The following TFDP2 variants were observed in gnomAD, a reference collection of about 807,000 sequenced individuals.
TFDP2 encodes the protein transcription factor Dp-2 (E2F dimerization partner 2).
TFDP2 carries 17 observed loss-of-function variants against 59.3 expected under a neutral mutation model. The observed-to-expected ratio is 0.29, with a 90% CI of 0.20 to 0.43. The LOEUF (loss-of-function observed/expected upper bound fraction) is 0.43. TFDP2 is among the 20% of genes least tolerant of loss of function. The pLI, the probability that TFDP2 is intolerant of heterozygous loss-of-function variation, is 1.00. For missense variants in TFDP2, 391 were observed against 528.8 expected (o/e 0.74, Z 2.56); for synonymous variants, 180 against 194.7 (o/e 0.92, Z 0.63).
At chr3:142,079,567 C>G (rs2060568733) in intron 3 of TFDP2, among the ~76,000 whole-genome samples, 1 of 152,036 alleles carries the variant, frequency 6.6e-6, no homozygotes, top group Non-Finnish European at 1.5e-5. Context: ...GCTGACTTAA[C>G]CCAAAGACTA....
chr3:142,014,206 C>T (rs1337726456), intron 3 of TFDP2, among the ~76,000 whole-genome samples: 2 of 152,194 alleles, frequency 1.3e-5, no homozygotes, highest in Non-Finnish European at 2.9e-5. Context: ...AGCAGTGGCA[C>T]TATCACAGCT....
chr3:142,024,884 G>A (rs1359319423), intron 3 of TFDP2, among the ~76,000 whole-genome samples: 1 of 152,090 alleles, frequency 6.6e-6, no homozygotes, highest in Non-Finnish European at 1.5e-5. Context: ...GCCGGGTTTG[G>A]TGGCGGGCGC....
intron 3 of TFDP2, among the ~76,000 whole-genome samples, chr3:142,078,766 A>G (rs1450969863): frequency 6.6e-6 from 1 of 152,144 alleles, no homozygotes; most frequent in East Asian, 1.9e-4. Flanking sequence ...AAGCACCAAG[A>G]CCATCCAGGA....
chr3:142,106,996 A>G (rs1333167710), intron 1 of TFDP2, among the ~76,000 whole-genome samples: 1 of 152,216 alleles, frequency 6.6e-6, no homozygotes, highest in Non-Finnish European at 1.5e-5. Flanking sequence ...TGCTACTAAA[A>G]ATTAATAGGA....
Position 141,952,531 on chromosome 3 carries a change from ATCC to A in TFDP2, c.1320_1322del (p.Glu440del), listed in dbSNP as rs768873878. 36 of 1,547,460 alleles carry A rather than the reference ATCC, an allele frequency of 2.3e-5. No individual in the cohort carries two copies. In the South Asian group the frequency reaches 2.7e-4, roughly 11 times the overall value. The stretch of plus-strand genomic sequence containing the variant: ...CTTGTCTTTATTCTGGGGAGGAGGA[ATCC>A]TCCTCATCATCTTCCTCATCTTCAT... On this transcript the variant is annotated inframe_deletion, in exon 13 of 13. Transcript: ENST00000489671.
intron 1 of TFDP2, among the ~76,000 whole-genome samples, chr3:142,123,258 C>T (rs1015900928): frequency 6.6e-6 from 1 of 152,210 alleles, no homozygotes; most frequent in African/African-American, 2.4e-5. Context: ...CCTCAGCCTC[C>T]CGAGTAGCTG....
At chr3:142,012,878 C>T (rs532526129) in intron 3 of TFDP2, among the ~76,000 whole-genome samples, 42 of 152,276 alleles carry the variant, frequency 2.8e-4, no homozygotes, top group African/African-American at 9.6e-4. Context: ...GTGGCTCACG[C>T]TTGTAATCCC....
intron 3 of TFDP2, among the ~76,000 whole-genome samples, chr3:142,029,964 C>T (rs1946344105): frequency 6.6e-6 from 1 of 152,196 alleles, no homozygotes; most frequent in Admixed American, 6.5e-5. Flanking sequence ...GACTAGTTAT[C>T]ACCTATTCTG....
At chr3:141,961,968 G>A (rs1368948086) in intron 10 of TFDP2, among the ~76,000 whole-genome samples, 1 of 151,950 alleles carries the variant, frequency 6.6e-6, no homozygotes, top group East Asian at 1.9e-4. Flanking sequence ...TTTTGGGGGG[G>A]ACGGAGTTTT....
chr3:142,065,509 G>GGTGTGTGTGTGTGTGTGGGTGTGT lies in TFDP2; in HGVS notation c.82+27551_82+27552insACACACCCACACACACACACACAC, dbSNP rs1553794502. On this transcript the variant is annotated intron_variant, in intron 3 of 12. Transcript: ENST00000489671. ...TTCACTCTGTGTGTGTGTGTGTGTG[G>GGTGTGTGTGTGTGTGTGGGTGTGT]GTGTGTGTGTGTGTGTGTTTGAGAC... Among the ~76,000 whole-genome samples, 12 of 148,358 alleles carry GGTGTGTGTGTGTGTGTGGGTGTGT rather than the reference G, an allele frequency of 8.1e-5. No individual in the cohort carries two copies. The East Asian group carries it at 1.8e-3, about 22-fold the overall frequency.
In TFDP2 at chr3:141,952,452, A is replaced by G; in HGVS notation, c.*61T>C. Reference sequence around the variant, plus strand: ...GACTGAAGCAATCATTTCAAAAACAAGAGCTCACACTACAAACACACATGA... The same window carrying G: ...GACTGAAGCAATCATTTCAAAAACAGGAGCTCACACTACAAACACACATGA... On this transcript the variant is annotated 3_prime_UTR_variant, in exon 13 of 13. Coordinates refer to ENST00000489671, the MANE Select transcript of TFDP2 (RefSeq NM_001178139.2). The G allele has an allele frequency of 2.1e-6, 3 of 1,431,076 alleles. No homozygotes were observed. The highest frequency in any genetic ancestry group is 1.8e-6 in the Non-Finnish European group (2 of 1,084,202). 88.6% of individuals were successfully genotyped at this position (1,431,076 alleles called of 1,614,324 possible). A position where few individuals can be genotyped will look rare whatever the true frequency, so the allele number is the denominator to read the frequency against.
intron 9 of TFDP2, among the ~76,000 whole-genome samples, chr3:141,965,576 G>A (rs1475537187): frequency 2.1e-4 from 29 of 138,210 alleles, no homozygotes; most frequent in African/African-American, 7.7e-4. Flanking sequence ...AGGGGAAGGG[G>A]AAGGGGAAGG....
intron 1 of TFDP2, among the ~76,000 whole-genome samples, chr3:142,132,550 C>A (rs1334953792): frequency 6.7e-6 from 1 of 149,336 alleles, no homozygotes; most frequent in Non-Finnish European, 1.5e-5. Flanking sequence ...TCAAGACCAT[C>A]CTGGCTAACA....
At chr3:142,123,614 T>C (rs1216226873) in intron 1 of TFDP2, among the ~76,000 whole-genome samples, 1 of 152,176 alleles carries the variant, frequency 6.6e-6, no homozygotes, top group Non-Finnish European at 1.5e-5. Flanking sequence ...TAATGAAAAG[T>C]GATGAATAAT....
At chr3:142,033,457 C>A (rs1946531535) in intron 3 of TFDP2, among the ~76,000 whole-genome samples, 1 of 152,074 alleles carries the variant, frequency 6.6e-6, no homozygotes. Flanking sequence ...TTATCTTCTA[C>A]CAAAACCCCT....
chr3:142,037,699 C>T (rs1543064), intron 3 of TFDP2, among the ~76,000 whole-genome samples: 131,403 of 152,234 alleles, frequency 0.86, 57,088 homozygotes, highest in African/African-American at 0.97. Context: ...CCAGTCCTTA[C>T]TTTCTTATCT....
At chr3:141,968,125 A>G (rs781725749) in intron 9 of TFDP2, among the ~76,000 whole-genome samples, 68 of 149,832 alleles carry the variant, frequency 4.5e-4, no homozygotes, top group Non-Finnish European at 7.8e-4. Context: ...GCAGCACAGG[A>G]GTTCAAGGAG....
At chr3:142,040,943 T>G (rs1051357958) in intron 3 of TFDP2, among the ~76,000 whole-genome samples, 7 of 152,220 alleles carry the variant, frequency 4.6e-5, no homozygotes, top group Non-Finnish European at 8.8e-5. Context: ...CCACTAAAAA[T>G]GTATTGTGGG....
At chr3:141,999,001 T>C (rs564643159) in intron 4 of TFDP2, among the ~76,000 whole-genome samples, 2 of 152,298 alleles carry the variant, frequency 1.3e-5, no homozygotes, top group South Asian at 4.1e-4. Flanking sequence ...AAGCATGCAG[T>C]TTTTACTCTT....
Sources: gnomAD v4.1 joint callset for allele counts (sites outside exome capture counted in the v4.1 genomes callset) on GRCh38, gnomAD v4.1.1 for gene constraint, MANE v1.5 for transcripts, NCBI Gene and HGNC (gene_info 2026-07-23, HGNC 2026-07-21) for gene names.